The following PTPRE variants were observed in gnomAD, a reference collection of about 807,000 sequenced individuals.
PTPRE encodes protein tyrosine phosphatase receptor type E, also known as receptor-type tyrosine-protein phosphatase epsilon.
Under a neutral mutation model 102.0 loss-of-function variants are expected in PTPRE, and 51 were observed. The ratio of observed to expected loss-of-function variants is 0.50; its 90% CI spans 0.40 to 0.63. The LOEUF (loss-of-function observed/expected upper bound fraction) is 0.63, where lower values mean the gene tolerates loss of function less well. Ranked by LOEUF, PTPRE falls within the 30% of genes least tolerant of loss-of-function variation. The pLI, the probability that PTPRE is intolerant of heterozygous loss-of-function variation, is 0.00. For synonymous variants in PTPRE, 345 were observed against 348.2 expected, an observed-to-expected ratio of 0.99 and a Z score of 0.10; for missense variants, 752 against 915.1, an observed-to-expected ratio of 0.82 and a Z score of 2.30.
intron 3 of PTPRE, 79 bp from the exon 4 acceptor site, chr10:128,047,311 A>G (rs1848175089): frequency 3.3e-6 from 5 of 1,525,324 alleles, no homozygotes; most frequent in Non-Finnish European, 4.4e-6. Flanking sequence ...GTGTCCAGGA[A>G]GAAGGGCTTA....
At chr10:127,969,143 T>C (rs1850493200) in intron 1 of PTPRE, among the ~76,000 whole-genome samples, 1 of 152,372 alleles carries the variant, frequency 6.6e-6, no homozygotes, top group Admixed American at 6.5e-5. Context: ...AGTGCAACAC[T>C]AAATTCGGAA....
chr10:128,059,638 C>T (rs769719489), intron 7 of PTPRE, among the ~76,000 whole-genome samples: 7 of 152,198 alleles, frequency 4.6e-5, no homozygotes, highest in Non-Finnish European at 8.8e-5. Flanking sequence ...GCAGCATAAA[C>T]GTCCTCAGAA....
chr10:127,942,453 T>C (rs1848317571), intron 1 of PTPRE, among the ~76,000 whole-genome samples: 1 of 152,226 alleles, frequency 6.6e-6, no homozygotes, highest in Non-Finnish European at 1.5e-5. Flanking sequence ...TGTCTTTAGG[T>C]TAAAAACCAA....
chr10:127,934,780 A>G (rs760366993), intron 1 of PTPRE: 2 of 152,340 alleles, frequency 1.3e-5, no homozygotes, highest in African/African-American at 2.4e-5. Context: ...GGTGGTCAGC[A>G]TATGTGCGTG....
intron 2 of PTPRE, chr10:127,999,633 C>A: frequency 2.0e-6 from 2 of 985,060 alleles, no homozygotes; most frequent in Non-Finnish European, 2.4e-6. Context: ...TTCTTACTGA[C>A]TGATTATGAA....
At chr10:128,000,972 A>C (rs562638362) in intron 2 of PTPRE, among the ~76,000 whole-genome samples, 1 of 152,298 alleles carries the variant, frequency 6.6e-6, no homozygotes, top group African/African-American at 2.4e-5. Context: ...ATAGTAGGAG[A>C]GTCTTTATAA....
Position 127,907,372 on chromosome 10 carries a change from C to G in PTPRE, c.-31+63C>G. On this transcript the variant is annotated intron_variant, in intron 1 of 20. Coordinates refer to ENST00000254667, the MANE Select transcript of PTPRE (RefSeq NM_006504.6). The surrounding 1 kb of genome is among the most constrained non-coding windows in gnomAD (Gnocchi z 4.8). Reference sequence around the variant, plus strand: ...GGGGAACTGTGCACCCCGGGAGGCCCAAGCAGGCCGGGGCGCTGCCTCGGC... The same window carrying G: ...GGGGAACTGTGCACCCCGGGAGGCCGAAGCAGGCCGGGGCGCTGCCTCGGC... The G allele has an allele frequency of 1.0e-6, 1 of 977,896 alleles. No homozygotes were observed. The highest frequency in any genetic ancestry group is 1.2e-6 in the Non-Finnish European group (1 of 823,730). 60.6% of individuals were successfully genotyped at this position (977,896 alleles called of 1,614,324 possible).
In PTPRE at chr10:127,946,457, G is replaced by A. The variant is rs1848628740; in HGVS notation, c.-30-35817G>A. ...TTATAATGGCAAGGCCTGTCAACAG[G>A]GAAAGATTGAAAAGAGATTGATTCT... On this transcript the variant is annotated intron_variant, in intron 1 of 20. Coordinates refer to ENST00000254667, the MANE Select transcript of PTPRE (RefSeq NM_006504.6). Among the ~76,000 whole-genome samples the A allele has an allele frequency of 4.3e-5, 5 of 116,574 alleles. 2 individuals are homozygous for A. The highest frequency in any genetic ancestry group is 9.6e-5 in the Non-Finnish European group (5 of 51,818). 76.5% of individuals were successfully genotyped at this position (116,574 alleles called of 152,430 possible).
chr10:128,010,578 T>TTTCTTTTCTTTTC (rs1279397415), intron 2 of PTPRE, among the ~76,000 whole-genome samples: 1 of 149,032 alleles, frequency 6.7e-6, no homozygotes, highest in African/African-American at 2.6e-5. Flanking sequence ...TTTCTTTTCT[T>TTTCTTTTCTTTTC]TTCTTTTCTT....
At chr10:127,970,493 A>G (rs1850644828) in intron 1 of PTPRE, among the ~76,000 whole-genome samples, 1 of 151,972 alleles carries the variant, frequency 6.6e-6, no homozygotes, top group African/African-American at 2.4e-5. Flanking sequence ...CCCCAGGTAC[A>G]GACCTTCCCC....
At chr10:128,019,900 G>T (rs1272180785) in intron 2 of PTPRE, among the ~76,000 whole-genome samples, 1 of 152,208 alleles carries the variant, frequency 6.6e-6, no homozygotes, top group Non-Finnish European at 1.5e-5. Context: ...CTTTGCCCAA[G>T]CCCAGAGCAA....
chr10:127,939,138 C>T (rs551547845), intron 1 of PTPRE, among the ~76,000 whole-genome samples: 115 of 152,250 alleles, frequency 7.6e-4, no homozygotes, highest in African/African-American at 2.7e-3. Flanking sequence ...CATAACATGC[C>T]ATTGAAATCC....
intron 3 of PTPRE, among the ~76,000 whole-genome samples, chr10:128,043,291 G>A (rs986398873): frequency 7.2e-5 from 11 of 152,320 alleles, no homozygotes; most frequent in African/African-American, 2.4e-4. Context: ...GCAACTAGAC[G>A]GCCCCTCTGG....
chr10:128,017,337 T>C (rs1285638681), intron 2 of PTPRE, among the ~76,000 whole-genome samples: 1 of 152,096 alleles, frequency 6.6e-6, no homozygotes, highest in Non-Finnish European at 1.5e-5. Flanking sequence ...CCTGGCACGC[T>C]TGCTGGATGG....
chr10:127,973,543 A>G (rs1457583937), intron 1 of PTPRE, among the ~76,000 whole-genome samples: 2 of 152,096 alleles, frequency 1.3e-5, no homozygotes, highest in Admixed American at 6.6e-5. Context: ...ATGTTTCAGC[A>G]AAGTGGCTAG....
chr10:127,957,586 G>A (rs1006513522), intron 1 of PTPRE, among the ~76,000 whole-genome samples: 1 of 152,160 alleles, frequency 6.6e-6, no homozygotes, highest in East Asian at 1.9e-4. Flanking sequence ...CAATGATGTT[G>A]ATTATTTTAC....
chr10:127,945,670 G>A (rs1848572504), intron 1 of PTPRE, among the ~76,000 whole-genome samples: 1 of 152,146 alleles, frequency 6.6e-6, no homozygotes, highest in Admixed American at 6.5e-5. Flanking sequence ...TTTGGGCTGA[G>A]CAGGGCTTTC....
chr10:127,969,691 G>GA (rs1564837088), intron 1 of PTPRE, among the ~76,000 whole-genome samples: 1 of 142,036 alleles, frequency 7.0e-6, no homozygotes. Flanking sequence ...AAGGGGGGCG[G>GA]GGGGATGATG....
At chr10:127,989,927 C>T (rs928402091) in intron 2 of PTPRE, among the ~76,000 whole-genome samples, 7 of 152,146 alleles carry the variant, frequency 4.6e-5, no homozygotes, top group Non-Finnish European at 1.0e-4. Flanking sequence ...TTTGTTCATT[C>T]GCTCACTGAG....
Sources: gnomAD v4.1 joint callset for allele counts (sites outside exome capture counted in the v4.1 genomes callset) on GRCh38, gnomAD v4.1.1 for gene constraint, Gnocchi (gnomAD v3.1) non-coding constraint, MANE v1.5 for transcripts, NCBI Gene and HGNC (gene_info 2026-07-23, HGNC 2026-07-21) for gene names.